RARB: variants seen among roughly 807,000 people sequenced by gnomAD.
RARB encodes the protein retinoic acid receptor beta, also known as HBV-activated protein.
Under a neutral mutation model 51.9 loss-of-function variants are expected in RARB, and 17 were observed. The ratio of observed to expected loss-of-function variants is 0.33; its 90% CI spans 0.22 to 0.49. The LOEUF is 0.49. Ranked by LOEUF, RARB falls within the 20% of genes least tolerant of loss-of-function variation. The pLI is 0.99. For missense variants in RARB, 369 were observed against 550.8 expected, an observed-to-expected ratio of 0.67 and a Z score of 3.30; for synonymous variants, 215 against 195.4, an observed-to-expected ratio of 1.10 and a Z score of -0.84.
chr3:25,087,679 A>G (rs1426375830), intron 3 of RARB, among the ~76,000 whole-genome samples: 1 of 152,166 alleles, frequency 6.6e-6, no homozygotes, highest in East Asian at 1.9e-4. Flanking sequence ...TGTTGTTATT[A>G]GAATTGTTAT....
At chr3:25,434,562 G>A (rs981707872) in intron 1 of RARB, among the ~76,000 whole-genome samples, 7 of 122,058 alleles carry the variant, frequency 5.7e-5, no homozygotes, top group African/African-American at 1.9e-4. Flanking sequence ...TTTTTTTTGA[G>A]ATGGAGTCTC....
intron 2 of RARB, among the ~76,000 whole-genome samples, chr3:25,491,119 C>A (rs531841274): frequency 6.6e-6 from 1 of 152,264 alleles, no homozygotes; most frequent in African/African-American, 2.4e-5. Context: ...ATTTCAGTGG[C>A]TTCCAAGTAG....
At chr3:25,194,502 T>A (rs1245749643) in intron 5 of RARB, among the ~76,000 whole-genome samples, 2 of 150,354 alleles carry the variant, frequency 1.3e-5, no homozygotes, top group South Asian at 4.2e-4. Flanking sequence ...TACACACACA[T>A]AGTGATATAT....
chr3:25,146,754 C>G (rs1214738941), intron 4 of RARB, among the ~76,000 whole-genome samples: 1 of 151,952 alleles, frequency 6.6e-6, no homozygotes, highest in Non-Finnish European at 1.5e-5. Flanking sequence ...CTCCTGACCT[C>G]ATGATCCGCC....
intron 5 of RARB, among the ~76,000 whole-genome samples, chr3:25,383,470 G>C (rs1706690927): frequency 6.6e-6 from 1 of 152,182 alleles, no homozygotes; most frequent in South Asian, 2.1e-4. Context: ...CAGATTTCAA[G>C]TTGGTAGAAC....
chr3:25,339,751 A>G (rs939034267), intron 5 of RARB, among the ~76,000 whole-genome samples: 1 of 152,090 alleles, frequency 6.6e-6, no homozygotes, highest in Non-Finnish European at 1.5e-5. Flanking sequence ...TTACATTCCC[A>G]GGAGCCATAG....
At chr3:25,106,252 G>C (rs549125679) in intron 3 of RARB, among the ~76,000 whole-genome samples, 1 of 36,132 alleles carries the variant, frequency 2.8e-5, no homozygotes, top group Non-Finnish European at 5.4e-5. Flanking sequence ...TGGTTTCTCG[G>C]AGAAATGCAT....
chr3:25,104,174 A>G (rs1044353830), intron 3 of RARB, among the ~76,000 whole-genome samples: 4 of 152,196 alleles, frequency 2.6e-5, no homozygotes, highest in African/African-American at 9.7e-5. Context: ...CCACAATGTG[A>G]TTATACCGTA....
intron 5 of RARB, among the ~76,000 whole-genome samples, chr3:25,329,987 C>T (rs576162283): frequency 1.2e-4 from 19 of 152,218 alleles, no homozygotes; most frequent in African/African-American, 3.6e-4. Context: ...AAGAAATGAA[C>T]AAATCCTCCA....
At chr3:25,140,434 A>G (rs371776013) in intron 4 of RARB, among the ~76,000 whole-genome samples, 1 of 152,194 alleles carries the variant, frequency 6.6e-6, no homozygotes, top group Non-Finnish European at 1.5e-5. Flanking sequence ...TGGTGAAAAT[A>G]GCAAGAGAGC....
intron 5 of RARB, among the ~76,000 whole-genome samples, chr3:25,347,110 C>T (rs1179871200): frequency 6.6e-6 from 1 of 152,202 alleles, no homozygotes; most frequent in Non-Finnish European, 1.5e-5. Context: ...GGTGGTAAAA[C>T]TGACACCATG....
intron 5 of RARB, among the ~76,000 whole-genome samples, chr3:25,378,493 A>T (rs899296017): frequency 6.6e-6 from 1 of 152,204 alleles, no homozygotes; most frequent in African/African-American, 2.4e-5. Context: ...ACAACAAAAA[A>T]ATCTATTCTA....
At chr3:25,262,516 T>C (rs775973460) in intron 5 of RARB, among the ~76,000 whole-genome samples, 8 of 152,246 alleles carry the variant, frequency 5.3e-5, no homozygotes. Context: ...ACTTTGGACA[T>C]GATCCTTGTC....
At chr3:24,971,505 A>T (rs34006813) in intron 2 of RARB, among the ~76,000 whole-genome samples, 30,358 of 152,018 alleles carry the variant, frequency 0.2, 3,613 homozygotes, top group East Asian at 0.3. Flanking sequence ...TTTATCTGAT[A>T]TTGTGAAGTA....
intron 2 of RARB, among the ~76,000 whole-genome samples, chr3:25,057,742 G>T (rs796293461): frequency 2.6e-5 from 4 of 151,976 alleles, no homozygotes; most frequent in African/African-American, 7.2e-5. Context: ...TATTCATTCA[G>T]ACTTACTAGA....
At chr3:25,449,932 A>G (rs1240077394) in intron 1 of RARB, among the ~76,000 whole-genome samples, 2 of 151,934 alleles carry the variant, frequency 1.3e-5, no homozygotes, top group African/African-American at 2.4e-5. Context: ...GTGTATTTTT[A>G]GTAGAGATGG....
intron 2 of RARB, among the ~76,000 whole-genome samples, chr3:24,962,938 T>C (rs900035609): frequency 1.3e-5 from 2 of 152,026 alleles, no homozygotes; most frequent in African/African-American, 4.8e-5. Flanking sequence ...TGACACAGAG[T>C]GGTTAAGTAA....
chr3:25,516,949 T>G (rs1698194360), intron 3 of RARB, among the ~76,000 whole-genome samples: 1 of 152,172 alleles, frequency 6.6e-6, no homozygotes, highest in African/African-American at 2.4e-5. Context: ...TTATTTTTAT[T>G]TTTTAAAAGT....
intron 5 of RARB, among the ~76,000 whole-genome samples, chr3:25,254,827 T>C (rs1042419841): frequency 6.6e-6 from 1 of 152,146 alleles, no homozygotes; most frequent in African/African-American, 2.4e-5. Context: ...TCTTTGACTC[T>C]GCCATTACCT....
Sources: allele counts gnomAD v4.1 joint callset (sites outside exome capture counted in the v4.1 genomes callset), GRCh38; gene constraint gnomAD v4.1.1; transcripts MANE v1.5; gene names NCBI Gene and HGNC (gene_info 2026-07-23, HGNC 2026-07-21).